The following AKAP7 variants were observed in gnomAD, a reference collection of about 807,000 sequenced individuals.
AKAP7 encodes the protein A kinase (PRKA) anchor protein 7.
Under a neutral mutation model 39.5 loss-of-function variants are expected in AKAP7, and 39 were observed. The observed-to-expected ratio is 0.99, with a 90% confidence interval of 0.76 to 1.29. The LOEUF (loss-of-function observed/expected upper bound fraction) is 1.29, where lower values mean the gene tolerates loss of function less well. Among genes scored for constraint, AKAP7 ranks in the 50% most tolerant of loss-of-function variants. The pLI is 0.00. For synonymous variants in AKAP7, 140 were observed against 139.1 expected, an observed-to-expected ratio of 1.01 and a Z score of -0.05; for missense variants, 414 against 407.7, an observed-to-expected ratio of 1.02 and a Z score of -0.13.
At chr6:131,241,659 G>T (rs974516584) in intron 7 of AKAP7, among the ~76,000 whole-genome samples, 4 of 126,404 alleles carry the variant, frequency 3.2e-5, no homozygotes, top group South Asian at 2.6e-4. Context: ...GGATTCAGTG[G>T]CATTAGGTTA....
At chr6:131,184,662 G>A (rs1406522900) in intron 5 of AKAP7, 1 of 771,406 alleles carries the variant, frequency 1.3e-6, no homozygotes, top group Non-Finnish European at 2.4e-6. Flanking sequence ...TAATCTTTGA[G>A]TTCCCCAGGC....
At chr6:131,271,447 T>C (rs909458895) in intron 7 of AKAP7, among the ~76,000 whole-genome samples, 2 of 152,192 alleles carry the variant, frequency 1.3e-5, no homozygotes, top group African/African-American at 4.8e-5. Context: ...TGTCTCTCTT[T>C]CTGTAGCTTC....
chr6:131,168,222 C>G (rs570035679), intron 4 of AKAP7, among the ~76,000 whole-genome samples: 1 of 151,848 alleles, frequency 6.6e-6, no homozygotes, highest in Non-Finnish European at 1.5e-5. Flanking sequence ...GACCAGCTTT[C>G]ACAGCATAGG....
chr6:131,173,404 G>C (rs1481440369), intron 5 of AKAP7, among the ~76,000 whole-genome samples: 1 of 151,928 alleles, frequency 6.6e-6, no homozygotes, highest in African/African-American at 2.4e-5. Flanking sequence ...TTCTTTTTGT[G>C]CACTTACCTC....
chr6:131,263,833 G>A (rs145828379), intron 7 of AKAP7, among the ~76,000 whole-genome samples: 264 of 152,228 alleles, frequency 1.7e-3, no homozygotes, highest in African/African-American at 6.1e-3. Flanking sequence ...GGAGTGGGGC[G>A]GCAATGGAGT....
chr6:131,232,056 CT>C (rs1810670186), intron 7 of AKAP7, among the ~76,000 whole-genome samples: 1 of 152,156 alleles, frequency 6.6e-6, no homozygotes, highest in African/African-American at 2.4e-5. Flanking sequence ...GGTATATCAG[CT>C]GTTAATCCGG....
intron 5 of AKAP7, among the ~76,000 whole-genome samples, chr6:131,174,390 A>G (rs1804371487): frequency 6.6e-6 from 1 of 152,236 alleles, no homozygotes; most frequent in Admixed American, 6.5e-5. Flanking sequence ...TGTTCAGCAC[A>G]TGGGATTTTT....
rs1454327065 is a variant in AKAP7 at position 131,199,540 on chromosome 6, G to A, written c.669G>A (p.Met223Ile). ...GTTTTAAACCTCATTTGACCTTCAT[G>A]AAGTTGTCAAAATCACCGTGGCTCC... ...SRSFKPHLTFMKLSKSPWLRK... is the reference protein window; with the variant it reads ...SRSFKPHLTFIKLSKSPWLRK... Residue 223 changes from methionine to isoleucine, a missense_variant, in exon 6 of 8, where the codon ATG (methionine) becomes ATA (isoleucine). By Grantham distance (10) the Met-to-Ile change is conservative. Transcript: ENST00000431975. 3 of 1,611,638 alleles carry A rather than the reference G, an allele frequency of 1.9e-6. No individual in the cohort carries two copies. The highest frequency in any genetic ancestry group is 1.3e-5 in the African/African-American group (1 of 74,852).
At chr6:131,155,233 T>A (rs980870887) in intron 2 of AKAP7, among the ~76,000 whole-genome samples, 4 of 152,190 alleles carry the variant, frequency 2.6e-5, no homozygotes, top group African/African-American at 9.6e-5. Context: ...AGCCTGGTTT[T>A]AAATTCCTTG....
chr6:131,134,218 C>T (rs1800394507), upstream of AKAP7, among the ~76,000 whole-genome samples: 1 of 152,158 alleles, frequency 6.6e-6, no homozygotes, highest in Non-Finnish European at 1.5e-5. Context: ...GTGATCCACT[C>T]GCCTTGACCT....
intron 6 of AKAP7, among the ~76,000 whole-genome samples, chr6:131,204,784 G>A (rs563097386): frequency 6.6e-6 from 1 of 152,278 alleles, no homozygotes; most frequent in South Asian, 2.1e-4. Context: ...CATTGTCATG[G>A]GAGTGGTCCT....
intron 5 of AKAP7, among the ~76,000 whole-genome samples, chr6:131,187,018 G>A (rs1288147281): frequency 8.5e-5 from 13 of 152,136 alleles, no homozygotes; most frequent in Admixed American, 7.9e-4. Context: ...CTTGATTACT[G>A]TAGATTTGTA....
chr6:131,185,269 G>T, intron 5 of AKAP7: 1 of 466,524 alleles, frequency 2.1e-6, no homozygotes, highest in Non-Finnish European at 4.1e-6. Context: ...TGCTGGGCAG[G>T]GTACGAGTAG....
intron 7 of AKAP7, among the ~76,000 whole-genome samples, chr6:131,245,980 G>A (rs527973258): frequency 6.6e-6 from 1 of 152,066 alleles, no homozygotes; most frequent in Admixed American, 6.5e-5. Flanking sequence ...TTGGGAATTT[G>A]TACAGTTTTG....
chr6:131,184,520 T>A (rs1291509076), intron 5 of AKAP7: 2 of 699,616 alleles, frequency 2.9e-6, no homozygotes, highest in African/African-American at 1.7e-5. Flanking sequence ...GCAACATTTG[T>A]GCTCGATGCA....
At chr6:131,200,487 G>A (rs534250885) in intron 6 of AKAP7, among the ~76,000 whole-genome samples, 14 of 152,228 alleles carry the variant, frequency 9.2e-5, no homozygotes, top group Admixed American at 8.5e-4. Flanking sequence ...GCCATGTGTA[G>A]TAGTAAGTAG....
intron 7 of AKAP7, among the ~76,000 whole-genome samples, chr6:131,234,234 C>G (rs1347844180): frequency 6.6e-6 from 1 of 152,028 alleles, no homozygotes; most frequent in Non-Finnish European, 1.5e-5. Flanking sequence ...ATTGAGGGTA[C>G]CAAGTACCAA....
At chr6:131,172,691 G>C (rs1804188150) in intron 5 of AKAP7, among the ~76,000 whole-genome samples, 1 of 152,072 alleles carries the variant, frequency 6.6e-6, no homozygotes, top group South Asian at 2.1e-4. Flanking sequence ...TACATTTCTA[G>C]ACTAAGCCAG....
At chr6:131,180,914 T>C (rs1805155975) in intron 5 of AKAP7, among the ~76,000 whole-genome samples, 1 of 152,000 alleles carries the variant, frequency 6.6e-6, no homozygotes, top group East Asian at 1.9e-4. Context: ...TTTAAGCATT[T>C]ATATTTTTAG....
Sources: allele counts gnomAD v4.1 joint callset (sites outside exome capture counted in the v4.1 genomes callset), GRCh38; gene constraint gnomAD v4.1.1; transcripts MANE v1.5; gene names NCBI Gene and HGNC (gene_info 2026-07-23, HGNC 2026-07-21).